Variants in C16orf89 observed in about 807,000 individuals in gnomAD.
C16orf89 encodes UPF0764 protein C16orf89.
A neutral mutation model predicts 41.5 loss-of-function variants in C16orf89; 57 were observed. The ratio of observed to expected loss-of-function variants is 1.38; its 90% CI spans 1.11 to 1.71. The LOEUF (loss-of-function observed/expected upper bound fraction) is 1.71. Among genes scored for constraint, C16orf89 ranks in the 40% most tolerant of loss-of-function variants. C16orf89 has a pLI of 0.00. For missense variants in C16orf89, 575 were observed against 445.9 expected (o/e 1.29, Z -2.61); for synonymous variants, 223 against 190.6 (o/e 1.17, Z -1.40).
In C16orf89 at chr16:5,058,427, C is replaced by T. The variant is rs896538186; in HGVS notation, c.627+66G>A. The T allele has an allele frequency of 1.1e-5, 15 of 1,408,366 alleles. No individual in the cohort carries two copies. The Middle Eastern group carries it at 7.4e-4, about 70-fold the overall frequency. The allele number at this position is 1,408,366 out of a possible 1,614,324, so 87.2% of individuals were successfully genotyped here. A position where few individuals can be genotyped will look rare whatever the true frequency, so the allele number is the denominator to read the frequency against. Reference sequence around the variant, plus strand: ...GGATTACAGGCATGAGCCACCACGTCCGGCTGCCCCTTTTCCTTTTTCCTT... The same window carrying T: ...GGATTACAGGCATGAGCCACCACGTTCGGCTGCCCCTTTTCCTTTTTCCTT... On this transcript the variant is annotated intron_variant, in intron 4 of 7. Transcript: ENST00000472572.
Position 5,044,315 on chromosome 16 carries a change from C to T in C16orf89, c.*33G>A. On this transcript the variant is annotated 3_prime_UTR_variant, in exon 8 of 8. Coordinates refer to ENST00000472572, the MANE Select transcript of C16orf89 (RefSeq NM_001098514.3). ...GGATGAGGACTAAAGGGGTCTGTTC[C>T]TCCTCCAGGCAGCTGGCATGGAACC... 1 of 1,568,634 alleles carries T rather than the reference C, an allele frequency of 6.4e-7. No individual in the cohort carries two copies. Among genetic ancestry groups the T allele is most frequent in the Non-Finnish European group, 8.6e-7 (1 of 1,159,018 alleles).
At chr16:5,056,948 A>G (rs571537419) in intron 4 of C16orf89, among the ~76,000 whole-genome samples, 1 of 152,266 alleles carries the variant, frequency 6.6e-6, no homozygotes, top group South Asian at 2.1e-4. Flanking sequence ...CTGTATGAAG[A>G]AATATATATG....
intron 1 of C16orf89, 149 bp from the exon 2 acceptor site, chr16:5,062,723 C>T (rs544160497): frequency 2.2e-6 from 2 of 922,504 alleles, no homozygotes; most frequent in East Asian, 2.8e-5. Context: ...ATTTACTGAG[C>T]TGACTGGAAA....
chr16:5,064,299 C>G (rs1438356988), intron 1 of C16orf89, among the ~76,000 whole-genome samples: 2 of 152,186 alleles, frequency 1.3e-5, no homozygotes, highest in African/African-American at 4.8e-5. Flanking sequence ...GGGACGTAGA[C>G]CCTGCCCACT....
chr16:5,045,994 A>C (rs1296557148), intron 7 of C16orf89, among the ~76,000 whole-genome samples: 6 of 152,156 alleles, frequency 3.9e-5, no homozygotes, highest in African/African-American at 1.4e-4. Context: ...GGGGACGGGC[A>C]GCTGACCAGG....
At chr16:5,063,738 C>T (rs1258896472) in intron 1 of C16orf89, among the ~76,000 whole-genome samples, 1 of 152,184 alleles carries the variant, frequency 6.6e-6, no homozygotes, top group African/African-American at 2.4e-5. Context: ...CACCCCCAGA[C>T]GGGATTATCT....
chr16:5,062,584 A>T lies in C16orf89; in HGVS notation c.209-10T>A. The T allele has an allele frequency of 6.3e-7, 1 of 1,590,544 alleles. No homozygotes were observed. The highest frequency in any genetic ancestry group is 8.5e-7 in the Non-Finnish European group (1 of 1,170,160). On this transcript the variant is annotated splice_polypyrimidine_tract_variant and intron_variant, in intron 1 of 7. Transcript: ENST00000472572. ...ACACTTTTTAGCTGCTCTGGAAGGG[A>T]ACAGAGTTAATTCATTCAACTATTT...
At chr16:5,058,435 C>T in intron 4 of C16orf89, 58 bp downstream of exon 4, 2 of 1,459,648 alleles carry the variant, frequency 1.4e-6, no homozygotes, top group Non-Finnish European at 1.9e-6. Flanking sequence ...GTCCGGCTGC[C>T]CCTTTTCCTT....
chr16:5,058,424 C>T (rs1024313528), intron 4 of C16orf89, 69 bp downstream of exon 4: 91 of 1,380,722 alleles, frequency 6.6e-5, no homozygotes, highest in South Asian at 4.3e-4. Flanking sequence ...TGAGCCACCA[C>T]GTCCGGCTGC....
chr16:5,056,607 C>T (rs755119017), intron 4 of C16orf89, among the ~76,000 whole-genome samples: 40 of 152,130 alleles, frequency 2.6e-4, no homozygotes, highest in African/African-American at 8.2e-4. Flanking sequence ...CCTGAACCCG[C>T]GGGCAGCTTC....
Position 5,062,438 on chromosome 16 carries a change from G to C in C16orf89, c.345C>G (p.Pro115=), listed in dbSNP as rs779927283. The C allele has an allele frequency of 2.1e-5, 34 of 1,613,042 alleles. No homozygotes were observed. The highest frequency in any genetic ancestry group is 2.3e-5 in the Non-Finnish European group (27 of 1,179,622). ...RSLHYLKLSD[P]KYLREFQLTL... ...GCGTGTGCTCACCTCTTAGGTACTT[G>C]GGATCACTCAGCTTGAGGTAGTGGA... Residue 115 remains proline, a synonymous_variant, in exon 2 of 8, where the codon CCC becomes CCG. Transcript: ENST00000472572.
At chr16:5,055,965 G>A (rs1956492401) in intron 5 of C16orf89, 88 bp downstream of exon 5, 4 of 810,744 alleles carry the variant, frequency 4.9e-6, no homozygotes, top group African/African-American at 1.8e-5. Context: ...GTGTGTGTGT[G>A]TGTGTGTGTG....
intron 1 of C16orf89, among the ~76,000 whole-genome samples, chr16:5,064,817 C>T (rs962742544): frequency 2.0e-5 from 3 of 152,140 alleles, no homozygotes; most frequent in East Asian, 1.9e-4. Context: ...TAGGTGGGGC[C>T]GCTTTCCCAG....
At chr16:5,046,330 TTTTTA>T (rs529008028) in intron 7 of C16orf89, among the ~76,000 whole-genome samples, 6 of 151,708 alleles carry the variant, frequency 4.0e-5, no homozygotes, top group African/African-American at 7.3e-5. Flanking sequence ...ACTTATTTAT[TTTTTA>T]TTTTATTTTA....
intron 1 of C16orf89, among the ~76,000 whole-genome samples, chr16:5,063,887 G>C (rs1388104616): frequency 6.6e-6 from 1 of 152,180 alleles, no homozygotes; most frequent in South Asian, 2.1e-4. Flanking sequence ...AGCACTTTGC[G>C]AGGCCGAGGC....
chr16:5,060,281 C>T lies in C16orf89; in HGVS notation c.509+5G>A, dbSNP rs1251446059. On this transcript the variant is annotated splice_donor_5th_base_variant and intron_variant, in intron 3 of 7. Coordinates refer to ENST00000472572, the MANE Select transcript of C16orf89 (RefSeq NM_001098514.3). ...TCCAGCAAATAGGGCAAGTGCAGGG[C>T]CCACCCGGTTCCCAGCAGCTGCACC... The T allele has an allele frequency of 1.2e-6, 2 of 1,603,654 alleles. No individual in the cohort carries two copies. Among genetic ancestry groups the T allele is most frequent in the African/African-American group, 1.3e-5 (1 of 74,772 alleles).
intron 7 of C16orf89, 47 bp from the exon 8 acceptor site, chr16:5,044,525 C>G: frequency 6.2e-7 from 1 of 1,608,704 alleles, no homozygotes; most frequent in Non-Finnish European, 8.5e-7. Flanking sequence ...GAACCTTGGC[C>G]CTTTATTCAA....
At chr16:5,044,830 C>T (rs373079944) in intron 7 of C16orf89, 18 of 1,238,682 alleles carry the variant, frequency 1.5e-5, no homozygotes, top group African/African-American at 4.8e-5. Context: ...AGCAACAGAG[C>T]GAGAATCTGT....
chr16:5,053,942 T>C (rs1187343301), intron 6 of C16orf89, among the ~76,000 whole-genome samples: 1 of 152,230 alleles, frequency 6.6e-6, no homozygotes, highest in Non-Finnish European at 1.5e-5. Flanking sequence ...TGTATACATG[T>C]ATGGAAATAT....
Sources: gnomAD v4.1 joint callset for allele counts (sites outside exome capture counted in the v4.1 genomes callset) on GRCh38, gnomAD v4.1.1 for gene constraint, MANE v1.5 for transcripts, NCBI Gene and HGNC (gene_info 2026-07-23, HGNC 2026-07-21) for gene names.